The following BMPR1B variants were observed in gnomAD, a reference collection of about 807,000 sequenced individuals.
BMPR1B encodes the protein bone morphogenetic protein receptor type-1B.
Under a neutral mutation model 59.1 loss-of-function variants are expected in BMPR1B, and 12 were observed. That is an observed-to-expected ratio of 0.20 (90% confidence interval 0.13 to 0.33). The LOEUF (loss-of-function observed/expected upper bound fraction) is 0.33. BMPR1B is among the 10% of genes least tolerant of loss of function. The pLI is 1.00. For missense variants in BMPR1B, 550 were observed against 610.9 expected (o/e 0.90, Z 1.05); for synonymous variants, 237 against 207.3 (o/e 1.14, Z -1.23).
chr4:95,132,470 T>C (rs1733430606), intron 10 of BMPR1B, among the ~76,000 whole-genome samples: 1 of 152,150 alleles, frequency 6.6e-6, no homozygotes, highest in African/African-American at 2.4e-5. Context: ...ACCCCAAATA[T>C]ATGAAGGTCT....
At chr4:94,981,024 A>ACACACAC in intron 2 of BMPR1B, among the ~76,000 whole-genome samples, 1 of 45,980 alleles carries the variant, frequency 2.2e-5, no homozygotes, top group African/African-American at 7.1e-5. Context: ...CACACACACA[A>ACACACAC]AAAGTAGAAG....
rs551361645 is a variant in BMPR1B at position 95,134,889 on chromosome 4, G to T, written c.1076+3377G>T. 3.2e-4 allele frequency among the ~76,000 whole-genome samples: 49 copies of T among 152,170 alleles called. No homozygotes were observed. In the South Asian group the frequency reaches 9.1e-3, roughly 28 times the overall value. On this transcript the variant is annotated intron_variant, in intron 10 of 12. Transcript: ENST00000515059. ...AATTAGATCCCATTTGTCAATTTTG[G>T]CTTTTGTTGCCATTGCTTTTGGTGT... is the stretch of plus-strand genomic sequence containing the variant.
Position 95,104,442 on chromosome 4 carries a change from A to G in BMPR1B, c.18A>G (p.Ala6=), listed in dbSNP as rs536960015. Residue 6 remains alanine, a synonymous_variant, in exon 4 of 13, where the codon GCA becomes GCG. Transcript: ENST00000515059. ...TTGATAACATGCTTTTGCGAAGTGC[A>G]GGAAAATTAAATGTGGGCACCAAGA... is the stretch of plus-strand genomic sequence containing the variant. MLLRS[A]GKLNVGTKKE... 141 of 1,613,354 alleles carry G rather than the reference A, an allele frequency of 8.7e-5. 1 individual carries two copies. In the South Asian group the frequency reaches 1.5e-3, roughly 17 times the overall value.
intron 2 of BMPR1B, among the ~76,000 whole-genome samples, chr4:94,908,093 A>AAAAAAAAAAAAAAAAAGAAAAAG (rs1553917473): frequency 8.4e-6 from 1 of 118,712 alleles, no homozygotes; most frequent in African/African-American, 4.3e-5. Context: ...AAAAAAAAGA[A>AAAAAAAAAAAAAAAAAGAAAAAG]AAAACAAAAA....
intron 3 of BMPR1B, among the ~76,000 whole-genome samples, chr4:95,036,684 TC>T (rs1430684202): frequency 6.7e-6 from 1 of 149,226 alleles, no homozygotes; most frequent in African/African-American, 2.5e-5. Context: ...CGTGCAGATA[TC>T]TCTTCAATAT....
intron 3 of BMPR1B, among the ~76,000 whole-genome samples, chr4:95,066,096 A>G (rs1727778875): frequency 6.6e-6 from 1 of 152,178 alleles, no homozygotes; most frequent in Admixed American, 6.6e-5. Flanking sequence ...TAATTTGCCT[A>G]TGAACCTTTA....
chr4:95,014,488 T>C (rs1723442802), intron 3 of BMPR1B, among the ~76,000 whole-genome samples: 1 of 152,204 alleles, frequency 6.6e-6, no homozygotes, highest in African/African-American at 2.4e-5. Context: ...CTCCAACTAA[T>C]ATTAAATTAA....
chr4:95,093,473 G>A (rs73837201), intron 3 of BMPR1B, among the ~76,000 whole-genome samples: 6,581 of 151,656 alleles, frequency 0.043, 488 homozygotes, highest in African/African-American at 0.15. Flanking sequence ...CAATTACCTG[G>A]AAAACAAATG....
intron 2 of BMPR1B, among the ~76,000 whole-genome samples, chr4:94,892,984 T>A (rs1727457752): frequency 6.6e-6 from 1 of 152,032 alleles, no homozygotes; most frequent in East Asian, 1.9e-4. Context: ...CTGCAGGGTT[T>A]TCATGAAGAT....
intron 1 of BMPR1B, among the ~76,000 whole-genome samples, chr4:94,837,143 G>C (rs1203424117): frequency 6.9e-6 from 1 of 145,756 alleles, no homozygotes; most frequent in African/African-American, 2.6e-5. Flanking sequence ...CCAGTACCAT[G>C]CTGTTTTGGT....
chr4:94,821,187 C>T (rs1368615664), intron 1 of BMPR1B, among the ~76,000 whole-genome samples: 1 of 152,162 alleles, frequency 6.6e-6, no homozygotes, highest in Non-Finnish European at 1.5e-5. Flanking sequence ...TCTATAGCTA[C>T]TTTCTTTTGA....
intron 2 of BMPR1B, among the ~76,000 whole-genome samples, chr4:94,986,551 T>A (rs1721419419): frequency 6.6e-6 from 1 of 152,186 alleles, no homozygotes; most frequent in South Asian, 2.1e-4. Context: ...GTCCTTTTTT[T>A]TTCATTACTC....
At chr4:95,097,165 C>T (rs556495256) in intron 3 of BMPR1B, among the ~76,000 whole-genome samples, 1 of 147,688 alleles carries the variant, frequency 6.8e-6, no homozygotes, top group African/African-American at 2.5e-5. Flanking sequence ...CTATACGTCA[C>T]AAGCTAAGTG....
intron 3 of BMPR1B, among the ~76,000 whole-genome samples, chr4:95,103,782 G>T (rs1730988375): frequency 6.6e-6 from 1 of 152,032 alleles, no homozygotes; most frequent in Non-Finnish European, 1.5e-5. Context: ...TAGGCATTTT[G>T]CATTTCCCCA....
At chr4:95,101,685 GA>G (rs1730830628) in intron 3 of BMPR1B, among the ~76,000 whole-genome samples, 1 of 151,942 alleles carries the variant, frequency 6.6e-6, no homozygotes, top group Non-Finnish European at 1.5e-5. Flanking sequence ...TATTTCATTA[GA>G]TTATTCAAAA....
chr4:94,999,440 G>GTA (rs1347587151), intron 3 of BMPR1B, among the ~76,000 whole-genome samples: 1 of 151,906 alleles, frequency 6.6e-6, no homozygotes, highest in Non-Finnish European at 1.5e-5. Flanking sequence ...GTGTGTGTGT[G>GTA]TGTGTGTGTG....
At chr4:95,027,539 C>G (rs1046909479) in intron 3 of BMPR1B, among the ~76,000 whole-genome samples, 5 of 152,132 alleles carry the variant, frequency 3.3e-5, no homozygotes, top group African/African-American at 7.2e-5. Flanking sequence ...AACAATAAAC[C>G]TTTTGTGATG....
chr4:95,044,967 G>C lies in BMPR1B; in HGVS notation c.-18+48833G>C, dbSNP rs371604745. Reference sequence around the variant, plus strand: ...TAAAACCAAATACCAGTGCAGTTCTGAGGGCACTTTTGTTTTTGGTACAAC... The same window carrying C: ...TAAAACCAAATACCAGTGCAGTTCTCAGGGCACTTTTGTTTTTGGTACAAC... On this transcript the variant is annotated intron_variant, in intron 3 of 12. Transcript: ENST00000515059. Among the ~76,000 whole-genome samples the C allele has an allele frequency of 2.6e-4, 40 of 152,230 alleles. No homozygotes were observed. In the South Asian group the frequency reaches 7.5e-3, roughly 28 times the overall value.
intron 2 of BMPR1B, among the ~76,000 whole-genome samples, chr4:94,978,263 A>G (rs1183422884): frequency 6.6e-6 from 1 of 152,242 alleles, no homozygotes; most frequent in Non-Finnish European, 1.5e-5. Flanking sequence ...AAACAATTTT[A>G]TCACCTTTTA....
Sources: allele counts gnomAD v4.1 joint callset (sites outside exome capture counted in the v4.1 genomes callset), GRCh38; gene constraint gnomAD v4.1.1; transcripts MANE v1.5; gene names NCBI Gene and HGNC (gene_info 2026-07-23, HGNC 2026-07-21).